VWA5B1: variants seen among roughly 807,000 people sequenced by gnomAD.
VWA5B1 encodes von Willebrand factor A domain-containing protein 5B1.
Under a neutral mutation model 118.2 loss-of-function variants are expected in VWA5B1, and 115 were observed. That is an observed-to-expected ratio of 0.97 (90% CI 0.84 to 1.14). VWA5B1 has a LOEUF of 1.14. Among genes scored for constraint, VWA5B1 ranks in the 50% most tolerant of loss-of-function variants. The pLI, the probability that VWA5B1 is intolerant of heterozygous loss-of-function variation, is 0.00. For synonymous variants in VWA5B1, 682 were observed against 658.4 expected (o/e 1.04, Z -0.55); for missense variants, 1,596 against 1,603.8 (o/e 1.00, Z 0.08).
In VWA5B1 at chr1:20,350,865, C is replaced by A. The variant is rs375681162; in HGVS notation, c.2962C>A (p.Arg988Ser). ...ATTCTGTGGCTCTCCAGGTCCCCAG[C>A]GCAGCCTGGCTACAAATACTCTTTC... Reference protein sequence around the residue: ...EKHGASEGPQRSLATNTLSSM... With the variant: ...EKHGASEGPQSSLATNTLSSM... Residue 988 changes from arginine to serine, a missense_variant, in exon 20 of 22, where the codon CGC (arginine) becomes AGC (serine). Transcript: ENST00000289815. 6.4e-7 allele frequency: 1 copy of A among 1,551,860 alleles called. No individual in the cohort carries two copies. The highest frequency in any genetic ancestry group is 2.4e-5 in the East Asian group (1 of 40,922).
chr1:20,317,696 C>A (rs781399999), intron 5 of VWA5B1, 21 bp downstream of exon 5: 3 of 1,536,364 alleles, frequency 2.0e-6, no homozygotes, highest in Non-Finnish European at 2.6e-6. Context: ...GACATCCAGA[C>A]GGGATGGGTG....
intron 7 of VWA5B1, among the ~76,000 whole-genome samples, chr1:20,322,308 T>C (rs528110260): frequency 6.6e-6 from 1 of 151,866 alleles, no homozygotes; most frequent in Non-Finnish European, 1.5e-5. Flanking sequence ...GAGACACGTG[T>C]ACACACAGAG....
At chr1:20,311,113 C>T (rs994029728) in intron 2 of VWA5B1, among the ~76,000 whole-genome samples, 4 of 152,238 alleles carry the variant, frequency 2.6e-5, no homozygotes, top group South Asian at 2.1e-4. Flanking sequence ...GCTGGGACTA[C>T]GGGCATGTGC....
chr1:20,353,786 C>G lies in VWA5B1; in HGVS notation c.3171C>G (p.Phe1057Leu). ...LVSLQLASGAFLLNEAFCEAT... is the reference protein window; with the variant it reads ...LVSLQLASGALLLNEAFCEAT... ...CTCTGCAGCTGGCCTCCGGAGCCTT[C>G]CTGCTCAACGAAGCCTTCTGTGAGG... Residue 1057 changes from phenylalanine to leucine, a missense_variant, in exon 22 of 22, where the codon TTC becomes TTG. Physicochemically the swap from Phe to Leu is conservative, Grantham distance 22. Transcript: ENST00000289815. 1 of 1,469,066 alleles carries G rather than the reference C, an allele frequency of 6.8e-7. No homozygotes were observed. The highest frequency in any genetic ancestry group is 9.0e-7 in the Non-Finnish European group (1 of 1,108,196). 91.0% of individuals were successfully genotyped at this position (1,469,066 alleles called of 1,614,324 possible).
Position 20,354,882 on chromosome 1 carries a change from G to A in VWA5B1, c.*619G>A, listed in dbSNP as rs1330390220. Reference sequence around the variant, plus strand: ...AACGCTTTACAAAAGAGTAGTTTGGGGGCCTTTTGTTTTGGCTAGGAAGCT... The same window carrying A: ...AACGCTTTACAAAAGAGTAGTTTGGAGGCCTTTTGTTTTGGCTAGGAAGCT... On this transcript the variant is annotated 3_prime_UTR_variant, in exon 22 of 22. Transcript: ENST00000289815. 6.6e-6 allele frequency: 1 copy of A among 152,426 alleles called. No individual in the cohort carries two copies. The highest frequency in any genetic ancestry group is 1.5e-5 in the Non-Finnish European group (1 of 68,282). The allele number at this position is 152,426 out of a possible 1,614,324, so 9.4% of individuals were successfully genotyped here. A position where few individuals can be genotyped will look rare whatever the true frequency, so the allele number is the denominator to read the frequency against.
intron 1 of VWA5B1, among the ~76,000 whole-genome samples, chr1:20,307,160 C>T (rs2088680587): frequency 6.6e-6 from 1 of 152,184 alleles, no homozygotes; most frequent in Non-Finnish European, 1.5e-5. Context: ...AGTGTTGACC[C>T]TCACACACTT....
Position 20,348,298 on chromosome 1 carries a change from A to T in VWA5B1, c.2818A>T (p.Thr940Ser), listed in dbSNP as rs1482006270. Residue 940 changes from threonine (T) to serine (S), a missense_variant, in exon 18 of 22, where the codon ACC becomes TCC. Physicochemically the swap from Thr to Ser is moderately conservative, Grantham distance 58. Transcript: ENST00000289815. ...GGCCCTGGCCCAACAGTGGAGGGGC[A>T]CCTCTTCTGGCTTTGGAAGGCCGCA... Reference protein sequence around the residue: ...SRALAQQWRGTSSGFGRPQTM... With the variant: ...SRALAQQWRGSSSGFGRPQTM... The T allele has an allele frequency of 2.6e-6, 4 of 1,551,372 alleles. No individual in the cohort carries two copies. Among genetic ancestry groups the T allele is most frequent in the Non-Finnish European group, 3.5e-6 (4 of 1,146,984 alleles).
intron 11 of VWA5B1, among the ~76,000 whole-genome samples, chr1:20,331,947 A>C (rs2089566793): frequency 6.6e-6 from 1 of 152,162 alleles, no homozygotes; most frequent in East Asian, 1.9e-4. Flanking sequence ...GCTGTCATTT[A>C]CTAAACACCT....
intron 4 of VWA5B1, among the ~76,000 whole-genome samples, chr1:20,315,945 C>A (rs1290911593): frequency 1.3e-5 from 2 of 152,192 alleles, no homozygotes; most frequent in Admixed American, 6.5e-5. Flanking sequence ...GACATCCGGA[C>A]CTCAGTGGAT....
chr1:20,291,358 T>TG (rs1491304708), intron 1 of VWA5B1, among the ~76,000 whole-genome samples: 2 of 123,794 alleles, frequency 1.6e-5, no homozygotes, highest in East Asian at 2.4e-4. Context: ...TCTTTCTTTC[T>TG]TTCTCTCTCT....
At position 20,319,474 on chromosome 1, in the gene VWA5B1, G is replaced by C; in HGVS notation, c.934G>C (p.Gly312Arg). 6.4e-7 allele frequency: 1 copy of C among 1,551,772 alleles called. No homozygotes were observed. Among genetic ancestry groups the C allele is most frequent in the East Asian group, 2.4e-5 (1 of 40,926 alleles). Residue 312 changes from glycine to arginine, a missense_variant, in exon 7 of 22, where the codon GGG becomes CGG. Transcript: ENST00000289815. ...GAAGGGAAGAACAGATTTCATTAAA[G>C]GGATGAAGAAGAAGAGCAGAGCAGA... Reference protein sequence around the residue: ...HLKGRTDFIKGMKKKSRAERK... With the variant: ...HLKGRTDFIKRMKKKSRAERK...
chr1:20,319,454 G>A lies in VWA5B1; in HGVS notation c.914G>A (p.Gly305Glu). 1.3e-6 allele frequency: 2 copies of A among 1,551,816 alleles called. No individual in the cohort carries two copies. Among genetic ancestry groups the A allele is most frequent in the South Asian group, 2.4e-5 (2 of 84,064 alleles). Residue 305 changes from glycine to glutamate, a missense_variant, in exon 7 of 22, where the codon GGA becomes GAA. Transcript: ENST00000289815. ...TLGEFDQHLK[G>E]RTDFIKGMKK... ...GGAGAGTTTGACCAGCACTTGAAGG[G>A]AAGAACAGATTTCATTAAAGGGATG...
At chr1:20,339,831 A>C (rs764957410) in intron 14 of VWA5B1, among the ~76,000 whole-genome samples, 7 of 152,154 alleles carry the variant, frequency 4.6e-5, no homozygotes, top group Non-Finnish European at 8.8e-5. Flanking sequence ...ATCCTCAAAC[A>C]TGTCACTCCA....
Position 20,310,720 on chromosome 1 carries a change from T to G in VWA5B1, c.119T>G (p.Leu40Arg). ...GLTASLTYGN[L>R]EAQPFQGLFV... The stretch of plus-strand genomic sequence containing the variant: ...ACTGCCTCCCTCACCTATGGCAACC[T>G]GGAAGCCCAGCCCTTCCAGGGTAAG... The change falls in exon 2 of 22, where the codon CTG becomes CGG. Residue 40 changes from leucine (L) to arginine (R), a missense_variant. Coordinates refer to ENST00000289815, the MANE Select transcript of VWA5B1 (RefSeq NM_001039500.3). 3 of 1,549,270 alleles carry G rather than the reference T, an allele frequency of 1.9e-6. No individual in the cohort carries two copies. Among genetic ancestry groups the G allele is most frequent in the Non-Finnish European group, 2.6e-6 (3 of 1,146,028 alleles).
intron 1 of VWA5B1, among the ~76,000 whole-genome samples, chr1:20,309,309 A>G (rs990990969): frequency 1.3e-5 from 2 of 152,226 alleles, no homozygotes; most frequent in African/African-American, 4.8e-5. Flanking sequence ...GCAGCACAAC[A>G]AATGGATAGA....
Position 20,352,050 on chromosome 1 carries a change from C to G in VWA5B1, c.3024-5C>G. On this transcript the variant is annotated splice_polypyrimidine_tract_variant and splice_region_variant and intron_variant, in intron 20 of 21. Transcript: ENST00000289815. ...GCCCAGGGCCACCTGACTTCACCTG[C>G]ACAGGCTAAATCTCAACAAGTCCAG... is the stretch of plus-strand genomic sequence containing the variant. The G allele has an allele frequency of 6.5e-7, 1 of 1,549,878 alleles. No individual in the cohort carries two copies. Among genetic ancestry groups the G allele is most frequent in the Non-Finnish European group, 8.7e-7 (1 of 1,146,146 alleles).
rs955579398 is a variant in VWA5B1 at position 20,330,892 on chromosome 1, C to T, written c.1481C>T (p.Pro494Leu). 2 of 1,551,608 alleles carry T rather than the reference C, an allele frequency of 1.3e-6. No individual in the cohort carries two copies. Among genetic ancestry groups the T allele is most frequent in the Non-Finnish European group, 1.7e-6 (2 of 1,147,010 alleles). Residue 494 changes from proline (P) to leucine (L), a missense_variant, in exon 11 of 22, where the codon CCC (proline) becomes CTC (leucine). Pro to Leu is a moderately conservative substitution (Grantham distance 98, BLOSUM62 -3). Coordinates refer to ENST00000289815, the MANE Select transcript of VWA5B1 (RefSeq NM_001039500.3). Reference protein sequence around the residue: ...STRCYSFGIGPNVCHRLVKGL... With the variant: ...STRCYSFGIGLNVCHRLVKGL... Reference sequence around the variant, plus strand: ...AGGTGCTATAGCTTTGGAATTGGACCCAACGTCTGCCACAGACTGGTGAAA... The same window carrying T: ...AGGTGCTATAGCTTTGGAATTGGACTCAACGTCTGCCACAGACTGGTGAAA...
At chr1:20,345,216 A>G (rs1486858127) in intron 16 of VWA5B1, among the ~76,000 whole-genome samples, 1 of 152,240 alleles carries the variant, frequency 6.6e-6, no homozygotes, top group Admixed American at 6.5e-5. Flanking sequence ...TTATTCTGAG[A>G]CAATGTCTTA....
chr1:20,324,903 G>C (rs2089331140), intron 8 of VWA5B1, among the ~76,000 whole-genome samples: 1 of 152,208 alleles, frequency 6.6e-6, no homozygotes, highest in East Asian at 1.9e-4. Context: ...GCAAACATTG[G>C]AATGAGAAGC....
Sources: gnomAD v4.1 joint callset for allele counts (sites outside exome capture counted in the v4.1 genomes callset) on GRCh38, gnomAD v4.1.1 for gene constraint, MANE v1.5 for transcripts, NCBI Gene and HGNC (gene_info 2026-07-23, HGNC 2026-07-21) for gene names.